The following LRRTM4 variants were observed in gnomAD, a reference collection of about 807,000 sequenced individuals.
LRRTM4 encodes the protein leucine rich repeat transmembrane neuronal 4.
In LRRTM4, 25 loss-of-function variants were observed where a neutral mutation model predicts 47.6. The ratio of observed to expected loss-of-function variants is 0.53; its 90% CI spans 0.38 to 0.73. The LOEUF is 0.73. Ranked by LOEUF, LRRTM4 falls within the 30% of genes least tolerant of loss-of-function variation. The probability of loss-of-function intolerance (pLI) is 0.00; values close to 1 mark genes in which losing one functional copy is unlikely to be tolerated. For synonymous variants in LRRTM4, 311 were observed against 269.5 expected, an observed-to-expected ratio of 1.15 and a Z score of -1.51; for missense variants, 638 against 713.4, an observed-to-expected ratio of 0.89 and a Z score of 1.20.
At chr2:77,012,864 T>A (rs1479426821) in intron 3 of LRRTM4, among the ~76,000 whole-genome samples, 1 of 152,174 alleles carries the variant, frequency 6.6e-6, no homozygotes, top group East Asian at 1.9e-4. Flanking sequence ...TAATACCAAT[T>A]TGTAATTACT....
At chr2:77,247,952 T>C (rs115110340) in intron 3 of LRRTM4, among the ~76,000 whole-genome samples, 4,539 of 150,278 alleles carry the variant, frequency 0.03, 253 homozygotes, top group African/African-American at 0.1. Flanking sequence ...TAATATATTA[T>C]TAGTATATCA....
chr2:77,095,913 A>G (rs972875931), intron 3 of LRRTM4, among the ~76,000 whole-genome samples: 6 of 152,194 alleles, frequency 3.9e-5, no homozygotes, highest in African/African-American at 1.4e-4. Flanking sequence ...CGGATAGTAC[A>G]AAGTCTTGGA....
intron 3 of LRRTM4, among the ~76,000 whole-genome samples, chr2:77,193,165 A>G (rs1311603548): frequency 5.9e-5 from 9 of 152,178 alleles, no homozygotes; most frequent in African/African-American, 2.2e-4. Flanking sequence ...AGTATTTAAT[A>G]CAGTAACAGG....
intron 3 of LRRTM4, among the ~76,000 whole-genome samples, chr2:77,231,770 A>G (rs570548745): frequency 6.6e-6 from 1 of 152,190 alleles, no homozygotes; most frequent in Non-Finnish European, 1.5e-5. Flanking sequence ...AAACCGAGGA[A>G]CACTCAAATA....
chr2:76,795,629 G>A (rs972495647), intron 3 of LRRTM4, among the ~76,000 whole-genome samples: 2 of 151,386 alleles, frequency 1.3e-5, no homozygotes, highest in Non-Finnish European at 2.9e-5. Context: ...ATCCATTGAT[G>A]GACACAGGTT....
intron 3 of LRRTM4, among the ~76,000 whole-genome samples, chr2:77,083,216 C>A (rs2103861030): frequency 6.6e-6 from 1 of 152,218 alleles, no homozygotes. Context: ...CTACAAAATG[C>A]AGGAGAGATA....
At chr2:76,811,774 G>A (rs1670741137) in intron 3 of LRRTM4, among the ~76,000 whole-genome samples, 1 of 152,022 alleles carries the variant, frequency 6.6e-6, no homozygotes, top group Non-Finnish European at 1.5e-5. Flanking sequence ...TATTTTACCT[G>A]TCCTGAACAA....
At chr2:77,320,041 C>T (rs77495633) in intron 3 of LRRTM4, among the ~76,000 whole-genome samples, 3,250 of 151,958 alleles carry the variant, frequency 0.021, 57 homozygotes, top group East Asian at 0.04. Flanking sequence ...TAGGGGAAAC[C>T]GGCCTATTAA....
chr2:77,393,692 A>G (rs903043562), intron 3 of LRRTM4, among the ~76,000 whole-genome samples: 35 of 152,140 alleles, frequency 2.3e-4, no homozygotes, highest in African/African-American at 7.5e-4. Flanking sequence ...AAGAGGGAGC[A>G]TGTAAAACCA....
chr2:77,395,581 T>C (rs547447615), intron 3 of LRRTM4, among the ~76,000 whole-genome samples: 1 of 152,086 alleles, frequency 6.6e-6, no homozygotes, highest in African/African-American at 2.4e-5. Flanking sequence ...AGCCAATTTA[T>C]AGAATTTTAT....
At chr2:77,172,662 C>A (rs541878624) in intron 3 of LRRTM4, among the ~76,000 whole-genome samples, 4 of 152,182 alleles carry the variant, frequency 2.6e-5, no homozygotes, top group South Asian at 2.1e-4. Context: ...CAATAGCATT[C>A]TTTTACCTAA....
At chr2:77,220,472 A>G (rs1489364330) in intron 3 of LRRTM4, among the ~76,000 whole-genome samples, 1 of 152,202 alleles carries the variant, frequency 6.6e-6, no homozygotes, top group Admixed American at 6.5e-5. Context: ...AATTAGACGA[A>G]TGGATAACTA....
intron 3 of LRRTM4, among the ~76,000 whole-genome samples, chr2:77,162,205 A>C (rs1672748795): frequency 6.6e-6 from 1 of 152,188 alleles, no homozygotes; most frequent in Non-Finnish European, 1.5e-5. Flanking sequence ...TCCCACACCC[A>C]CGGAGCCTCG....
chr2:76,934,872 C>T (rs563770183), intron 3 of LRRTM4, among the ~76,000 whole-genome samples: 1 of 149,628 alleles, frequency 6.7e-6, no homozygotes, highest in Non-Finnish European at 1.5e-5. Context: ...AGTGTATCAG[C>T]TTAATCTAAC....
intron 3 of LRRTM4, among the ~76,000 whole-genome samples, chr2:77,452,547 G>C (rs560732947): frequency 5.3e-4 from 81 of 152,336 alleles, no homozygotes; most frequent in African/African-American, 1.9e-3. Flanking sequence ...TTAGGAGGCA[G>C]AGGAATGAGC....
At chr2:77,502,003 A>T (rs896379914) in intron 3 of LRRTM4, among the ~76,000 whole-genome samples, 2 of 151,410 alleles carry the variant, frequency 1.3e-5, no homozygotes, top group African/African-American at 4.8e-5. Flanking sequence ...GTTAATCATT[A>T]AGTGTATCAG....
intron 3 of LRRTM4, among the ~76,000 whole-genome samples, chr2:77,333,069 G>T (rs865844839): frequency 1.1e-4 from 16 of 152,136 alleles, no homozygotes; most frequent in African/African-American, 3.9e-4. Context: ...CTGTTCATCT[G>T]CTGTCATTTA....
chr2:77,271,318 C>T (rs999789463), intron 3 of LRRTM4, among the ~76,000 whole-genome samples: 4 of 152,154 alleles, frequency 2.6e-5, no homozygotes, highest in African/African-American at 9.6e-5. Context: ...TGCTAATACA[C>T]CACCATCTAT....
intron 3 of LRRTM4, among the ~76,000 whole-genome samples, chr2:77,368,808 G>T (rs1166099970): frequency 6.6e-6 from 1 of 151,712 alleles, no homozygotes; most frequent in Non-Finnish European, 1.5e-5. Context: ...GAATGTAGGA[G>T]TATAGCTATC....
Sources: allele counts gnomAD v4.1 joint callset (sites outside exome capture counted in the v4.1 genomes callset), GRCh38; gene constraint gnomAD v4.1.1; transcripts MANE v1.5; gene names NCBI Gene and HGNC (gene_info 2026-07-23, HGNC 2026-07-21).